NWD1: variants seen among roughly 807,000 people sequenced by gnomAD.
NWD1 encodes NACHT domain- and WD repeat-containing protein 1.
Under a neutral mutation model 135.1 loss-of-function variants are expected in NWD1, and 129 were observed. The observed-to-expected ratio is 0.96, with a 90% CI of 0.83 to 1.11. The LOEUF is 1.11. Ranked by LOEUF, NWD1 falls within the 50% of genes least tolerant of loss-of-function variation. NWD1 has a pLI of 0.00. For synonymous variants in NWD1, 773 were observed against 786.0 expected (o/e 0.98, Z 0.28); for missense variants, 1,740 against 1,851.3 (o/e 0.94, Z 1.10).
At chr19:16,767,903 C>A (rs1013879740) in intron 10 of NWD1, among the ~76,000 whole-genome samples, 2 of 151,026 alleles carry the variant, frequency 1.3e-5, no homozygotes, top group Non-Finnish European at 2.9e-5. Context: ...AGTATTTGTC[C>A]TTTATTCTCT....
intron 18 of NWD1, among the ~76,000 whole-genome samples, chr19:16,811,437 A>C (rs1323640291): frequency 6.6e-6 from 1 of 151,848 alleles, no homozygotes; most frequent in Non-Finnish European, 1.5e-5. Context: ...TACAAAAATT[A>C]GCCGGGCATG....
intron 7 of NWD1, 48 bp downstream of exon 7, chr19:16,759,476 A>G: frequency 7.1e-7 from 1 of 1,410,232 alleles, no homozygotes; most frequent in Non-Finnish European, 9.7e-7. Context: ...TGGGACCCCA[A>G]GAATGAGGAC....
intron 17 of NWD1, among the ~76,000 whole-genome samples, chr19:16,803,151 G>C (rs4490105): frequency 3.3e-5 from 5 of 151,880 alleles, no homozygotes; most frequent in Non-Finnish European, 7.4e-5. Context: ...GATCTCATGA[G>C]ACTTATTCGC....
At chr19:16,810,050 T>C (rs1176004150) in intron 18 of NWD1, among the ~76,000 whole-genome samples, 1 of 151,990 alleles carries the variant, frequency 6.6e-6, no homozygotes, top group Admixed American at 6.6e-5. Flanking sequence ...GATTTTTTTG[T>C]GTGTGTGTTT....
At position 16,749,871 on chromosome 19, in the gene NWD1, A is replaced by G. The variant is rs1968493085; in HGVS notation, c.1229A>G (p.His410Arg). 1.2e-6 allele frequency: 2 copies of G among 1,613,252 alleles called. No homozygotes were observed. The highest frequency in any genetic ancestry group is 1.3e-5 in the African/African-American group (1 of 74,906). The change falls in exon 6 of 19, where the codon CAC becomes CGC. Residue 410 changes from histidine (H) to arginine (R), a missense_variant. His to Arg is a conservative substitution (Grantham distance 29, BLOSUM62 0). Transcript: ENST00000524140. ...PLPPAQVLDA[H>R]TRVVQFFHTL... ...CCCCCTGCCCAGGTTCTGGACGCCC[A>G]CACCAGGGTGGTCCAGTTTTTCCAT...
At position 16,789,053 on chromosome 19, in the gene NWD1, C is replaced by T. The variant is rs114371613; in HGVS notation, c.2803C>T (p.His935Tyr). The T allele has an allele frequency of 1.5e-5, 25 of 1,613,204 alleles. No homozygotes were observed. The African/African-American group carries it at 2.9e-4, about 19-fold the overall frequency. Residue 935 changes from histidine to tyrosine, a missense_variant, in exon 13 of 19, where the codon CAC (histidine) becomes TAC (tyrosine). Physicochemically the swap from His to Tyr is moderately conservative, Grantham distance 83. Transcript: ENST00000524140. The part of the protein sequence containing the change: ...ANSASKDYTL[H>Y]LWNLLSGQEK... ...CTCTGCTTCAAAGGATTACACGCTG[C>T]ACTTGTGGAACTTACTCTCTGGCCA...
intron 10 of NWD1, among the ~76,000 whole-genome samples, chr19:16,766,135 A>G (rs913326203): frequency 2.6e-5 from 4 of 152,204 alleles, no homozygotes; most frequent in Non-Finnish European, 4.4e-5. Context: ...AAGTTCCCAC[A>G]TATTTTTTAT....
intron 12 of NWD1, among the ~76,000 whole-genome samples, chr19:16,784,353 C>T (rs1050915521): frequency 6.6e-6 from 1 of 151,964 alleles, no homozygotes; most frequent in Non-Finnish European, 1.5e-5. Context: ...GTAACACAGC[C>T]AGACCCGTAT....
intron 3 of NWD1, among the ~76,000 whole-genome samples, chr19:16,734,050 T>C (rs1002095212): frequency 2.0e-5 from 3 of 152,102 alleles, no homozygotes; most frequent in African/African-American, 4.8e-5. Flanking sequence ...CAGCTTTGCC[T>C]ACCTGAACTG....
chr19:16,804,805 C>T (rs1370150895), intron 17 of NWD1, among the ~76,000 whole-genome samples: 2 of 139,280 alleles, frequency 1.4e-5, no homozygotes, highest in Admixed American at 1.4e-4. Flanking sequence ...CAAAGAAGCT[C>T]CCTGGGGCCT....
At chr19:16,782,994 TTC>T (rs768828706) in intron 12 of NWD1, among the ~76,000 whole-genome samples, 1 of 142,544 alleles carries the variant, frequency 7.0e-6, no homozygotes, top group East Asian at 2.2e-4. Flanking sequence ...CCTCCCTCCT[TTC>T]TCTCTCTCTT....
intron 18 of NWD1, among the ~76,000 whole-genome samples, chr19:16,809,679 C>T (rs1469541783): frequency 5.3e-5 from 8 of 151,790 alleles, no homozygotes; most frequent in East Asian, 1.9e-4. Flanking sequence ...CTCAGCCTCC[C>T]GAGTAGCTGG....
At chr19:16,778,691 T>G (rs1355550609) in intron 11 of NWD1, among the ~76,000 whole-genome samples, 1 of 152,040 alleles carries the variant, frequency 6.6e-6, no homozygotes, top group Non-Finnish European at 1.5e-5. Flanking sequence ...ATATTTTTAG[T>G]AGAGACTGGG....
Position 16,732,676 on chromosome 19 carries a change from G to A in NWD1, c.81+1398G>A, listed in dbSNP as rs957161042. ...TCTCAAAAAAAAAAAAAAAGAAAAAGTGAAAAAGTGCAGTGGTGTGATCTC... is the reference window on the plus strand; with the variant it reads ...TCTCAAAAAAAAAAAAAAAGAAAAAATGAAAAAGTGCAGTGGTGTGATCTC... On this transcript the variant is annotated intron_variant, in intron 3 of 18. Transcript: ENST00000524140. Among the ~76,000 whole-genome samples the A allele has an allele frequency of 2.2e-3, 84 of 38,998 alleles. 9 individuals carry two copies. The highest frequency in any genetic ancestry group is 0.014 in the African/African-American group (59 of 4,232). The allele number at this position is 38,998 out of a possible 152,430, so 25.6% of individuals were successfully genotyped here.
At chr19:16,798,410 G>C (rs975593986) in intron 16 of NWD1, among the ~76,000 whole-genome samples, 5 of 152,050 alleles carry the variant, frequency 3.3e-5, no homozygotes, top group Non-Finnish European at 5.9e-5. Context: ...AGGAGTTCGA[G>C]ACCAGCCTGG....
At chr19:16,740,473 T>TTACA (rs1237578762) in intron 4 of NWD1, among the ~76,000 whole-genome samples, 1 of 151,708 alleles carries the variant, frequency 6.6e-6, no homozygotes, top group Admixed American at 6.6e-5. Context: ...GTAGCTGGGA[T>TTACA]TACAGGTGCC....
Position 16,779,063 on chromosome 19 carries a change from G to A in NWD1, c.2609-280G>A, listed in dbSNP as rs145543702. Among the ~76,000 whole-genome samples, 342 of 152,268 alleles carry A rather than the reference G, an allele frequency of 2.2e-3. 3 individuals carry two copies. The highest frequency in any genetic ancestry group is 0.01 in the Middle Eastern group (3 of 294). On this transcript the variant is annotated intron_variant, in intron 11 of 18. Coordinates refer to ENST00000524140, the MANE Select transcript of NWD1 (RefSeq NM_001007525.5). The stretch of plus-strand genomic sequence containing the variant: ...TGTCTCCAGAAACCGATATGTGTCC[G>A]CTGGGTGAGCACTGCTAGACTAGAC...
intron 16 of NWD1, 77 bp downstream of exon 16, chr19:16,797,963 G>T: frequency 7.1e-7 from 1 of 1,399,822 alleles, no homozygotes. Context: ...ATTTTTGGCT[G>T]CAAAATACAG....
At chr19:16,772,986 G>A in intron 10 of NWD1, 140 bp from the exon 11 acceptor site, 1 of 703,390 alleles carries the variant, frequency 1.4e-6, no homozygotes, top group Non-Finnish European at 2.5e-6. Flanking sequence ...GAAGGAGACA[G>A]GAGCGGACAG....
Sources: allele counts gnomAD v4.1 joint callset (sites outside exome capture counted in the v4.1 genomes callset), GRCh38; gene constraint gnomAD v4.1.1; transcripts MANE v1.5; gene names NCBI Gene and HGNC (gene_info 2026-07-23, HGNC 2026-07-21).